The following TOX2 variants were observed in gnomAD, a reference collection of about 807,000 sequenced individuals.
TOX2 encodes the protein granulosa cell HMG box 1.
In TOX2, 15 loss-of-function variants were observed where a neutral mutation model predicts 47.4. The ratio of observed to expected loss-of-function variants is 0.32; its 90% confidence interval spans 0.21 to 0.49. The LOEUF (loss-of-function observed/expected upper bound fraction) is 0.49, where lower values mean the gene tolerates loss of function less well. TOX2 is among the 20% of genes least tolerant of loss of function. TOX2 has a pLI of 0.99. For synonymous variants in TOX2, 290 were observed against 296.6 expected, an observed-to-expected ratio of 0.98 and a Z score of 0.23; for missense variants, 622 against 673.1, an observed-to-expected ratio of 0.92 and a Z score of 0.84.
chr20:43,941,229 A>T (rs936518503), intron 1 of TOX2, among the ~76,000 whole-genome samples: 3 of 152,094 alleles, frequency 2.0e-5, no homozygotes, highest in Non-Finnish European at 4.4e-5. Context: ...ACTGCATTTA[A>T]GAAAAAAAGT....
At chr20:43,992,987 T>C (rs1343533131) in intron 2 of TOX2, among the ~76,000 whole-genome samples, 1 of 152,050 alleles carries the variant, frequency 6.6e-6, no homozygotes, top group Non-Finnish European at 1.5e-5. Flanking sequence ...ACCAAGCATG[T>C]TTTCCCCTCA....
At chr20:43,984,781 ACTCT>A (rs761185780) in intron 2 of TOX2, among the ~76,000 whole-genome samples, 2 of 151,820 alleles carry the variant, frequency 1.3e-5, no homozygotes, top group Non-Finnish European at 2.9e-5. Flanking sequence ...GGAAATGTTC[ACTCT>A]CTCTAAATGG....
chr20:44,051,121 A>G (rs1431032526), intron 3 of TOX2, among the ~76,000 whole-genome samples, 185 bp from the exon 4 acceptor site: 2 of 152,200 alleles, frequency 1.3e-5, no homozygotes, highest in African/African-American at 4.8e-5. Flanking sequence ...CCACGAGTGC[A>G]CTTAATCATA....
At chr20:43,940,368 A>G (rs551268238) in intron 1 of TOX2, among the ~76,000 whole-genome samples, 21 of 150,956 alleles carry the variant, frequency 1.4e-4, no homozygotes, top group Admixed American at 1.4e-3. Context: ...GGCATGCGCC[A>G]CCATGCACAG....
chr20:44,057,253 A>C (rs2071636065), intron 5 of TOX2, among the ~76,000 whole-genome samples: 1 of 152,078 alleles, frequency 6.6e-6, no homozygotes, highest in South Asian at 2.1e-4. Context: ...CACTTCTCAG[A>C]TTTCTAATTC....
At chr20:44,001,862 G>A (rs953815144) in intron 2 of TOX2, among the ~76,000 whole-genome samples, 3 of 152,200 alleles carry the variant, frequency 2.0e-5, no homozygotes, top group Non-Finnish European at 4.4e-5. Flanking sequence ...CATTTATTGT[G>A]TTGTAATGAG....
At chr20:44,044,704 G>A (rs528842420) in intron 3 of TOX2, among the ~76,000 whole-genome samples, 214 of 152,248 alleles carry the variant, frequency 1.4e-3, no homozygotes, top group African/African-American at 4.7e-3. Flanking sequence ...TAGCCACTGT[G>A]GAAAACAGTA....
At chr20:43,963,895 C>T (rs1248803061) in intron 1 of TOX2, among the ~76,000 whole-genome samples, 2 of 152,130 alleles carry the variant, frequency 1.3e-5, no homozygotes, top group Admixed American at 6.5e-5. Flanking sequence ...CACTCAGTTT[C>T]TTCATCTACA....
intron 1 of TOX2, among the ~76,000 whole-genome samples, chr20:43,933,607 A>T (rs2069284186): frequency 6.6e-6 from 1 of 152,182 alleles, no homozygotes; most frequent in South Asian, 2.1e-4. Flanking sequence ...GAGTGATTGC[A>T]GGAGAAAGGG....
At chr20:44,038,254 G>A (rs115882503) in intron 3 of TOX2, among the ~76,000 whole-genome samples, 3,817 of 152,140 alleles carry the variant, frequency 0.025, 125 homozygotes, top group African/African-American at 0.08. Flanking sequence ...AAAATTAGCC[G>A]GGTTCCGTGG....
At chr20:43,952,147 C>A (rs1016582746) in intron 1 of TOX2, among the ~76,000 whole-genome samples, 1 of 152,056 alleles carries the variant, frequency 6.6e-6, no homozygotes, top group Admixed American at 6.6e-5. Flanking sequence ...GTGATCTGCC[C>A]GCCTTGGCCT....
At chr20:43,967,841 A>T (rs192598407) in intron 1 of TOX2, among the ~76,000 whole-genome samples, 1 of 152,218 alleles carries the variant, frequency 6.6e-6, no homozygotes, top group Non-Finnish European at 1.5e-5. Context: ...TTTAAAAATA[A>T]TGAAAAGAGT....
rs143369940 is a variant in TOX2, at chr20:43,977,785, G to T, written c.165+4353G>T. Among the ~76,000 whole-genome samples the T allele has an allele frequency of 3.7e-3, 569 of 152,288 alleles. 4 individuals are homozygous for T. The highest frequency in any genetic ancestry group is 0.013 in the African/African-American group (530 of 41,566). Reference sequence around the variant, plus strand: ...CTGTGTCCCCATCAGCAGCTCCAGGGGGGTAGAGGACCTGGTAGAGGTCAG... The same window carrying T: ...CTGTGTCCCCATCAGCAGCTCCAGGTGGGTAGAGGACCTGGTAGAGGTCAG... On this transcript the variant is annotated intron_variant, in intron 2 of 8. Transcript: ENST00000341197.
chr20:43,989,797 ACCCACCCAG>A (rs2070336809), intron 2 of TOX2, among the ~76,000 whole-genome samples: 1 of 151,090 alleles, frequency 6.6e-6, no homozygotes, highest in Non-Finnish European at 1.5e-5. Flanking sequence ...AAAAAAAAAA[ACCCACCCAG>A]CATATATTAA....
In TOX2 at chr20:44,054,459, C is replaced by T; in HGVS notation, c.812C>T (p.Ala271Val). The T allele has an allele frequency of 1.9e-6, 3 of 1,613,842 alleles. No individual in the cohort carries two copies. The highest frequency in any genetic ancestry group is 2.5e-6 in the Non-Finnish European group (3 of 1,179,874). The change falls in exon 5 of 9, where the codon GCC becomes GTC. Residue 271 changes from alanine (A) to valine (V), a missense_variant. Coordinates refer to ENST00000341197, the MANE Select transcript of TOX2 (RefSeq NM_001098797.2). ...QAAIKGQNPS[A>V]TFGDVSKIVA... The stretch of plus-strand genomic sequence containing the variant: ...GCCATCAAGGGTCAGAACCCCAGTG[C>T]CACTTTCGGTGACGTGTCCAAAATC...
At chr20:44,015,358 C>G (rs35608758) in intron 3 of TOX2, among the ~76,000 whole-genome samples, 1 of 152,126 alleles carries the variant, frequency 6.6e-6, no homozygotes, top group Non-Finnish European at 1.5e-5. Flanking sequence ...TGCAGGGGAC[C>G]GCTCCGTTTT....
chr20:44,052,498 C>T (rs890637781), intron 4 of TOX2, among the ~76,000 whole-genome samples: 1 of 152,164 alleles, frequency 6.6e-6, no homozygotes. Context: ...GGGCAGTAAC[C>T]CTGGACTTTG....
chr20:43,964,067 T>C (rs567121505), intron 1 of TOX2, among the ~76,000 whole-genome samples: 1 of 151,008 alleles, frequency 6.6e-6, no homozygotes, highest in African/African-American at 2.4e-5. Context: ...ATTTTGCAGA[T>C]GAGAAAACTG....
chr20:43,953,814 A>C (rs896661740), intron 1 of TOX2, among the ~76,000 whole-genome samples: 3 of 152,162 alleles, frequency 2.0e-5, no homozygotes, highest in African/African-American at 7.2e-5. Context: ...GGGGGCGACT[A>C]TGGATGACTG....
Sources: gnomAD v4.1 joint callset for allele counts (sites outside exome capture counted in the v4.1 genomes callset) on GRCh38, gnomAD v4.1.1 for gene constraint, MANE v1.5 for transcripts, NCBI Gene and HGNC (gene_info 2026-07-23, HGNC 2026-07-21) for gene names.